The following SGK1 variants were observed in gnomAD, a reference collection of about 807,000 sequenced individuals.
The protein encoded by SGK1 is serum/glucocorticoid regulated kinase 1, also known as serine/threonine-protein kinase Sgk1.
A neutral mutation model predicts 64.2 loss-of-function variants in SGK1; 26 were observed. That is an observed-to-expected ratio of 0.40 (90% CI 0.30 to 0.56). The LOEUF (loss-of-function observed/expected upper bound fraction) is 0.56. Among genes scored for constraint, SGK1 ranks in the 20% least tolerant of loss-of-function variants. The probability of loss-of-function intolerance (pLI) is 0.38; values close to 1 mark genes in which losing one functional copy is unlikely to be tolerated. For synonymous variants in SGK1, 265 were observed against 239.7 expected, an observed-to-expected ratio of 1.11 and a Z score of -0.98; for missense variants, 519 against 645.6, an observed-to-expected ratio of 0.80 and a Z score of 2.12.
intron 2 of SGK1, among the ~76,000 whole-genome samples, chr6:134,222,814 A>C (rs531069772): frequency 6.6e-6 from 1 of 152,356 alleles, no homozygotes; most frequent in African/African-American, 2.4e-5. Flanking sequence ...GCACTCATCA[A>C]AAGCATATTT....
intron 3 of SGK1, chr6:134,174,981 CGCGGTTTGCTGGCGGCTACGCTGCCTGCG>C: frequency 2.3e-6 from 3 of 1,278,532 alleles, no homozygotes; most frequent in Non-Finnish European, 3.1e-6. Context: ...CCGGCCGCCT[CGCGGTTTGCTGGCGGCTACGCTGCCTGCG>C]GCGGGCGGTT....
At chr6:134,262,392 C>G (rs1277985678) in intron 1 of SGK1, among the ~76,000 whole-genome samples, 1 of 151,742 alleles carries the variant, frequency 6.6e-6, no homozygotes, top group Non-Finnish European at 1.5e-5. Context: ...TTTTTTTTCA[C>G]ATTATTTTTT....
chr6:134,269,244 C>T (rs1776904259), intron 1 of SGK1, among the ~76,000 whole-genome samples: 1 of 146,544 alleles, frequency 6.8e-6, no homozygotes, highest in South Asian at 2.2e-4. Flanking sequence ...GCCAAGAGAG[C>T]TTGAAGTTGC....
At chr6:134,197,894 A>T (rs1324286508) in intron 3 of SGK1, among the ~76,000 whole-genome samples, 1 of 46,676 alleles carries the variant, frequency 2.1e-5, no homozygotes, top group Non-Finnish European at 9.5e-5. Flanking sequence ...AATAAAATAA[A>T]ATAAAATATA....
chr6:134,223,225 G>A (rs572803082), intron 2 of SGK1, among the ~76,000 whole-genome samples: 7 of 152,020 alleles, frequency 4.6e-5, no homozygotes, highest in East Asian at 3.9e-4. Flanking sequence ...AAAATTAGCC[G>A]GGCGTGGTGG....
At chr6:134,197,844 A>T (rs976525530) in intron 3 of SGK1, among the ~76,000 whole-genome samples, 68 of 144,140 alleles carry the variant, frequency 4.7e-4, no homozygotes, top group Middle Eastern at 7.1e-3. Context: ...AAAATAAAAT[A>T]AAATAAAATA....
At chr6:134,243,078 C>T (rs1189351526) in intron 2 of SGK1, among the ~76,000 whole-genome samples, 2 of 151,662 alleles carry the variant, frequency 1.3e-5, no homozygotes, top group East Asian at 3.9e-4. Flanking sequence ...TAGAATGATT[C>T]TCATGTCTTC....
chr6:134,176,322 C>G (rs926711658), intron 3 of SGK1, among the ~76,000 whole-genome samples: 2 of 152,226 alleles, frequency 1.3e-5, no homozygotes, highest in African/African-American at 2.4e-5. Context: ...TTATGTGAGT[C>G]CCACATAAAC....
chr6:134,296,915 TCCTAC>T, intron 1 of SGK1: 1 of 357,332 alleles, frequency 2.8e-6, no homozygotes, highest in East Asian at 7.2e-5. Context: ...CTGTTCCCTG[TCCTAC>T]CCTGCACAGG....
chr6:134,302,205 T>G (rs1777469192), intron 1 of SGK1, among the ~76,000 whole-genome samples: 1 of 152,260 alleles, frequency 6.6e-6, no homozygotes, highest in African/African-American at 2.4e-5. Context: ...CATCAATAAC[T>G]AATTATACAT....
At chr6:134,197,882 AAAAT>A in intron 3 of SGK1, among the ~76,000 whole-genome samples, 1 of 88,180 alleles carries the variant, frequency 1.1e-5, no homozygotes, top group African/African-American at 3.8e-5. Context: ...AATAAAATAT[AAAAT>A]AAAATAAAAT....
chr6:134,195,558 CAG>C (rs2114670700), intron 3 of SGK1, among the ~76,000 whole-genome samples: 1 of 152,294 alleles, frequency 6.6e-6, no homozygotes, highest in African/African-American at 2.4e-5. Flanking sequence ...TATCTTTACA[CAG>C]AGAGTTTAGA....
intron 3 of SGK1, among the ~76,000 whole-genome samples, chr6:134,206,383 A>ATATATAT (rs1562250478): frequency 1.2e-4 from 2 of 16,614 alleles, no homozygotes; most frequent in Non-Finnish European, 2.3e-4. Flanking sequence ...ATATATATAT[A>ATATATAT]TTTTTTTTTT....
rs1272943200 is a variant in SGK1, at chr6:134,317,399, T to C, written c.62A>G (p.Lys21Arg). 1 of 1,599,250 alleles carries C rather than the reference T, an allele frequency of 6.3e-7. No individual in the cohort carries two copies. Among genetic ancestry groups the C allele is most frequent in the Admixed American group, 1.7e-5 (1 of 60,010 alleles). The change falls in exon 1 of 14, where the codon AAG becomes AGG. Residue 21 changes from lysine to arginine, a missense_variant. Transcript: ENST00000367858. ...AGCAAAACCTGTCCTTACCCGCTTC[T>C]TAAAAAATTGGAAGGCTGAGCATTT... is the stretch of plus-strand genomic sequence containing the variant. The part of the protein sequence containing the change: ...VKKCSAFQFF[K>R]KRVRRWIKSP...
intron 2 of SGK1, among the ~76,000 whole-genome samples, chr6:134,209,983 G>A (rs1775861096): frequency 6.6e-6 from 1 of 152,060 alleles, no homozygotes; most frequent in Admixed American, 6.6e-5. Flanking sequence ...GGCCTGTGAA[G>A]CTCTATTGAC....
At chr6:134,223,298 G>T (rs1171492565) in intron 2 of SGK1, among the ~76,000 whole-genome samples, 1 of 151,788 alleles carries the variant, frequency 6.6e-6, no homozygotes, top group Non-Finnish European at 1.5e-5. Flanking sequence ...AACCCGGGAG[G>T]TGGAGGTTGC....
chr6:134,241,777 C>T (rs1776451691), intron 2 of SGK1, among the ~76,000 whole-genome samples: 1 of 152,074 alleles, frequency 6.6e-6, no homozygotes, highest in Non-Finnish European at 1.5e-5. Flanking sequence ...CCCGCCACCA[C>T]ACCCGGCTAA....
At chr6:134,267,392 G>A (rs1776870589) in intron 1 of SGK1, among the ~76,000 whole-genome samples, 1 of 151,932 alleles carries the variant, frequency 6.6e-6, no homozygotes, top group Non-Finnish European at 1.5e-5. Flanking sequence ...AGAGCTCCTA[G>A]GCTCAAGCTA....
intron 2 of SGK1, among the ~76,000 whole-genome samples, chr6:134,253,246 G>A (rs374130618): frequency 3.2e-4 from 48 of 152,106 alleles, no homozygotes; most frequent in African/African-American, 1.1e-3. Flanking sequence ...TGCTTTCTAG[G>A]CTGAAGCAGA....
Sources: allele counts gnomAD v4.1 joint callset (sites outside exome capture counted in the v4.1 genomes callset), GRCh38; gene constraint gnomAD v4.1.1; transcripts MANE v1.5; gene names NCBI Gene and HGNC (gene_info 2026-07-23, HGNC 2026-07-21).